Variants in FNBP1L observed in about 807,000 individuals in gnomAD.
FNBP1L encodes formin binding protein 1 like.
In FNBP1L, 36 loss-of-function variants were observed where a neutral mutation model predicts 91.2. The ratio of observed to expected loss-of-function variants is 0.39; its 90% confidence interval spans 0.30 to 0.52. The LOEUF is 0.52. FNBP1L is among the 20% of genes least tolerant of loss of function. The pLI, the probability that FNBP1L is intolerant of heterozygous loss-of-function variation, is 0.66. For missense variants in FNBP1L, 571 were observed against 732.1 expected (o/e 0.78, Z 2.54); for synonymous variants, 242 against 237.0 (o/e 1.02, Z -0.19).
chr1:93,538,190 TAAGGAA>T (rs1671907546), intron 10 of FNBP1L, among the ~76,000 whole-genome samples: 1 of 149,790 alleles, frequency 6.7e-6, no homozygotes, highest in Non-Finnish European at 1.5e-5. Context: ...AGTGTAATTC[TAAGGAA>T]AAAAAAAACT....
chr1:93,551,740 G>C, intron 16 of FNBP1L: 1 of 984,608 alleles, frequency 1.0e-6, no homozygotes, highest in Non-Finnish European at 1.2e-6. Context: ...TAAATCTCCT[G>C]GTCTAGCTCT....
rs767756517 is a variant in FNBP1L, at chr1:93,533,115, G to A, written c.786+47G>A. 2.5e-6 allele frequency: 4 copies of A among 1,569,740 alleles called. 1 individual carries two copies. The highest frequency in any genetic ancestry group is 2.4e-5 in the South Asian group (2 of 84,538). On this transcript the variant is annotated intron_variant, in intron 8 of 16. Transcript: ENST00000271234. ...TTGAATGCATCTGTTTGGTTTAGGT[G>A]TGCAGTTTAAGTTAGTGAAATGAGT...
intron 8 of FNBP1L, among the ~76,000 whole-genome samples, chr1:93,533,793 A>G (rs1481119062): frequency 6.6e-6 from 1 of 152,166 alleles, no homozygotes; most frequent in African/African-American, 2.4e-5. Context: ...TTTGGCTTTC[A>G]GCATGGCTGG....
rs137959014 is a variant in FNBP1L, at chr1:93,503,676, C to A, written c.140+4093C>A. Among the ~76,000 whole-genome samples, 291 of 152,222 alleles carry A rather than the reference C, an allele frequency of 1.9e-3. 2 individuals carry two copies. The highest frequency in any genetic ancestry group is 6.7e-3 in the African/African-American group (280 of 41,552). On this transcript the variant is annotated intron_variant, in intron 2 of 16. Coordinates refer to ENST00000271234, the MANE Select transcript of FNBP1L (RefSeq NM_001164473.3). ...GAGACATAGTTATATGCAATTGAAT[C>A]ATGTCCATTTTGATTGATGGAAAAT... is the stretch of plus-strand genomic sequence containing the variant.
chr1:93,511,447 T>TGAA (rs1267426529), intron 2 of FNBP1L, among the ~76,000 whole-genome samples: 1 of 152,090 alleles, frequency 6.6e-6, no homozygotes, highest in Non-Finnish European at 1.5e-5. Flanking sequence ...AAAGAGCTCC[T>TGAA]GAAGGAAGCA....
intron 1 of FNBP1L, among the ~76,000 whole-genome samples, chr1:93,479,786 G>GA (rs1212980526): frequency 6.6e-6 from 1 of 152,106 alleles, no homozygotes; most frequent in Non-Finnish European, 1.5e-5. Context: ...CTTGTTCCCT[G>GA]AAAATCGCTG....
At chr1:93,502,328 A>G (rs913195386) in intron 2 of FNBP1L, among the ~76,000 whole-genome samples, 14 of 152,182 alleles carry the variant, frequency 9.2e-5, no homozygotes, top group Admixed American at 2.6e-4. Flanking sequence ...GTAATTTAAA[A>G]CACTTGTTAA....
intron 1 of FNBP1L, among the ~76,000 whole-genome samples, chr1:93,457,578 T>G (rs780936052): frequency 2.2e-4 from 34 of 152,100 alleles, no homozygotes; most frequent in Non-Finnish European, 4.3e-4. Context: ...CAAGAGTAGC[T>G]TATGTGCTCT....
intron 2 of FNBP1L, among the ~76,000 whole-genome samples, chr1:93,511,095 A>G (rs1226533321): frequency 6.6e-6 from 1 of 152,234 alleles, no homozygotes; most frequent in Non-Finnish European, 1.5e-5. Context: ...GATTCAGGAA[A>G]TAAAGAGAAT....
intron 1 of FNBP1L, among the ~76,000 whole-genome samples, chr1:93,490,287 G>A (rs879618120): frequency 6.6e-6 from 1 of 152,084 alleles, no homozygotes; most frequent in Non-Finnish European, 1.5e-5. Context: ...TATAATTCGA[G>A]TTATACTACA....
At chr1:93,499,854 A>G (rs1173865261) in intron 2 of FNBP1L, among the ~76,000 whole-genome samples, 1 of 152,218 alleles carries the variant, frequency 6.6e-6, no homozygotes, top group East Asian at 1.9e-4. Flanking sequence ...AAAAAGAAAT[A>G]TCTGCGTGTT....
At chr1:93,457,965 G>C (rs936777243) in intron 1 of FNBP1L, among the ~76,000 whole-genome samples, 1 of 151,640 alleles carries the variant, frequency 6.6e-6, no homozygotes, top group Non-Finnish European at 1.5e-5. Flanking sequence ...CTAATTTTTT[G>C]AGTTTTTAGT....
In FNBP1L at chr1:93,549,391, C is replaced by T. The variant is rs770553723; in HGVS notation, c.1616C>T (p.Ala539Val). Residue 539 changes from alanine to valine, a missense_variant, in exon 15 of 17, where the codon GCT becomes GTT. Ala to Val is a moderately conservative substitution (Grantham distance 64, BLOSUM62 0). Coordinates refer to ENST00000271234, the MANE Select transcript of FNBP1L (RefSeq NM_001164473.3). ...TTTGAGGATGATGATCCCTTGCCTG[C>T]TATTGGACACTGCAAAGCTATCTAC... The part of the protein sequence containing the change: ...DEFEDDDPLP[A>V]IGHCKAIYPF... 283 of 1,609,204 alleles carry T rather than the reference C, an allele frequency of 1.8e-4. 1 individual carries two copies. Among genetic ancestry groups the T allele is most frequent in the Middle Eastern group, 4.9e-4 (3 of 6,078 alleles).
chr1:93,449,580 C>CT (rs1668414272), intron 1 of FNBP1L, among the ~76,000 whole-genome samples: 1 of 152,162 alleles, frequency 6.6e-6, no homozygotes, highest in African/African-American at 2.4e-5. Context: ...ACTTTAGAGT[C>CT]CATCTAGTGA....
At chr1:93,520,015 A>T (rs1671269217) in intron 2 of FNBP1L, among the ~76,000 whole-genome samples, 1 of 152,080 alleles carries the variant, frequency 6.6e-6, no homozygotes, top group Admixed American at 6.5e-5. Context: ...TGTTGATCTG[A>T]ACTCTTTTCT....
chr1:93,479,334 A>G (rs947282518), intron 1 of FNBP1L, among the ~76,000 whole-genome samples: 1 of 152,230 alleles, frequency 6.6e-6, no homozygotes, highest in Non-Finnish European at 1.5e-5. Flanking sequence ...AAGCAAAGAT[A>G]ACAAGGCAAA....
chr1:93,471,614 C>T (rs954064374), intron 1 of FNBP1L, among the ~76,000 whole-genome samples: 10 of 152,180 alleles, frequency 6.6e-5, no homozygotes, highest in South Asian at 2.1e-4. Context: ...ATTGCTTGAG[C>T]CGGGGAGGTG....
chr1:93,464,508 TCTA>T (rs1669008186), intron 1 of FNBP1L, among the ~76,000 whole-genome samples: 1 of 152,222 alleles, frequency 6.6e-6, no homozygotes, highest in African/African-American at 2.4e-5. Context: ...TTTATATTTC[TCTA>T]CTGTGTTCTG....
intron 1 of FNBP1L, among the ~76,000 whole-genome samples, chr1:93,489,365 G>A (rs1670022098): frequency 6.6e-6 from 1 of 151,952 alleles, no homozygotes; most frequent in Non-Finnish European, 1.5e-5. Context: ...TTGGACTTGG[G>A]GTATTTCAGG....
Sources: allele counts gnomAD v4.1 joint callset (sites outside exome capture counted in the v4.1 genomes callset), GRCh38; gene constraint gnomAD v4.1.1; transcripts MANE v1.5; gene names NCBI Gene and HGNC (gene_info 2026-07-23, HGNC 2026-07-21).